Variants in NTM observed in about 807,000 individuals in gnomAD.
The protein encoded by NTM is IgLON family member 2.
NTM carries 13 observed loss-of-function variants against 42.1 expected under a neutral mutation model. The observed-to-expected ratio is 0.31, with a 90% confidence interval of 0.20 to 0.49. The LOEUF is 0.49. Among genes scored for constraint, NTM ranks in the 20% least tolerant of loss-of-function variants. NTM has a pLI of 0.99. For missense variants in NTM, 373 were observed against 452.8 expected, an observed-to-expected ratio of 0.82 and a Z score of 1.60; for synonymous variants, 187 against 179.2, an observed-to-expected ratio of 1.04 and a Z score of -0.35.
intron 1 of NTM, among the ~76,000 whole-genome samples, chr11:131,872,227 C>G (rs1047756361): frequency 6.6e-6 from 1 of 152,156 alleles, no homozygotes; most frequent in African/African-American, 2.4e-5. Context: ...GGAGCTTGGG[C>G]CAGCCTTTAA....
At chr11:132,176,277 A>G (rs2076790977) in intron 3 of NTM, among the ~76,000 whole-genome samples, 1 of 152,024 alleles carries the variant, frequency 6.6e-6, no homozygotes, top group African/African-American at 2.4e-5. Context: ...ATACAAGACC[A>G]GGTGGTAAAA....
intron 7 of NTM, among the ~76,000 whole-genome samples, chr11:132,320,222 C>T (rs907452404): frequency 9.8e-5 from 15 of 152,318 alleles, no homozygotes; most frequent in South Asian, 2.1e-4. Context: ...CCAGCCTGAG[C>T]GACGCAGAAG....
chr11:132,150,228 A>C (rs2071544246), intron 3 of NTM, among the ~76,000 whole-genome samples: 1 of 152,166 alleles, frequency 6.6e-6, no homozygotes, highest in Non-Finnish European at 1.5e-5. Context: ...CGAGAAAGCT[A>C]ATAGAGCAAG....
chr11:132,078,366 C>G (rs1198417345), intron 2 of NTM, among the ~76,000 whole-genome samples: 3 of 152,192 alleles, frequency 2.0e-5, no homozygotes, highest in Admixed American at 6.5e-5. Context: ...GGCTTAGTTT[C>G]CCTCGGTGTG....
At chr11:132,315,836 G>C (rs1489022928) in intron 7 of NTM, among the ~76,000 whole-genome samples, 2 of 152,106 alleles carry the variant, frequency 1.3e-5, no homozygotes, top group South Asian at 4.1e-4. Flanking sequence ...CTTGATCCCC[G>C]AGCCAGTGGC....
intron 1 of NTM, among the ~76,000 whole-genome samples, chr11:131,907,940 T>G (rs1324198506): frequency 6.6e-6 from 1 of 152,230 alleles, no homozygotes; most frequent in Non-Finnish European, 1.5e-5. Context: ...AATAGCCGGT[T>G]TGAATAAAAT....
intron 1 of NTM, among the ~76,000 whole-genome samples, chr11:131,756,599 G>A (rs560622678): frequency 6.6e-6 from 1 of 152,180 alleles, no homozygotes; most frequent in South Asian, 2.1e-4. Context: ...GAGGTGGGAG[G>A]TTGGCTTGAG....
intron 2 of NTM, among the ~76,000 whole-genome samples, chr11:132,083,227 A>G (rs2059303684): frequency 6.6e-6 from 1 of 152,226 alleles, no homozygotes; most frequent in Non-Finnish European, 1.5e-5. Context: ...AACTTAATGA[A>G]TGAGTCTAGA....
chr11:131,960,312 A>G (rs2062016636), intron 2 of NTM, among the ~76,000 whole-genome samples: 1 of 152,188 alleles, frequency 6.6e-6, no homozygotes, highest in Non-Finnish European at 1.5e-5. Flanking sequence ...GTCATCTCCT[A>G]CATGATCGTT....
At chr11:131,511,577 CAA>C (rs1229590765) in intron 1 of NTM, among the ~76,000 whole-genome samples, 1 of 152,188 alleles carries the variant, frequency 6.6e-6, no homozygotes, top group East Asian at 1.9e-4. Flanking sequence ...ACTTGACAAA[CAA>C]AACAGAAACC....
chr11:131,486,696 T>A (rs1542227), intron 1 of NTM, among the ~76,000 whole-genome samples: 10,116 of 152,186 alleles, frequency 0.066, 1,114 homozygotes, highest in African/African-American at 0.23. Context: ...AAGGTGAACA[T>A]CTCCCATCAC....
intron 2 of NTM, among the ~76,000 whole-genome samples, chr11:132,027,982 C>T (rs988314580): frequency 1.3e-5 from 2 of 151,404 alleles, no homozygotes; most frequent in East Asian, 1.9e-4. Flanking sequence ...ACTGGTTTTT[C>T]CTTGGCCATA....
chr11:132,177,271 T>C (rs930174460), intron 3 of NTM, among the ~76,000 whole-genome samples: 2 of 152,238 alleles, frequency 1.3e-5, no homozygotes, highest in African/African-American at 4.8e-5. Context: ...TACCAAATCC[T>C]GTGGGAGACT....
chr11:131,770,075 T>C (rs1346775715), intron 1 of NTM, among the ~76,000 whole-genome samples: 5 of 152,200 alleles, frequency 3.3e-5, no homozygotes, highest in African/African-American at 1.2e-4. Flanking sequence ...CCAACTCACA[T>C]TCTTTCACTG....
chr11:131,761,399 CCTAA>C (rs1253079846), intron 1 of NTM, among the ~76,000 whole-genome samples: 1 of 152,116 alleles, frequency 6.6e-6, no homozygotes, highest in Admixed American at 6.5e-5. Flanking sequence ...ATGTTGAAGG[CCTAA>C]CTTTTAGCAT....
chr11:131,624,108 T>C (rs1237384756), intron 1 of NTM, among the ~76,000 whole-genome samples: 1 of 152,216 alleles, frequency 6.6e-6, no homozygotes, highest in African/African-American at 2.4e-5. Context: ...CTCACATTTG[T>C]GATTGAAGGC....
intron 7 of NTM, among the ~76,000 whole-genome samples, chr11:132,329,467 G>C (rs189103507): frequency 4.9e-4 from 75 of 152,350 alleles, no homozygotes; most frequent in African/African-American, 1.7e-3. Flanking sequence ...CCCAGCAAGT[G>C]CAACTGTAGC....
intron 6 of NTM, 64 bp downstream of exon 6, chr11:132,310,296 C>A (rs2136087675): frequency 5.4e-6 from 8 of 1,470,400 alleles, no homozygotes; most frequent in Middle Eastern, 1.8e-4. Context: ...TTTCCAGGGT[C>A]CTGATTCCAC....
intron 2 of NTM, among the ~76,000 whole-genome samples, chr11:131,985,277 C>A (rs998038183): frequency 2.6e-5 from 4 of 152,300 alleles, no homozygotes; most frequent in African/African-American, 9.6e-5. Flanking sequence ...TGCTATTTCA[C>A]AACAAGGGTC....
Sources: allele counts gnomAD v4.1 joint callset (sites outside exome capture counted in the v4.1 genomes callset), GRCh38; gene constraint gnomAD v4.1.1; transcripts MANE v1.5; gene names NCBI Gene and HGNC (gene_info 2026-07-23, HGNC 2026-07-21).